Variants in DOCK1 observed in about 807,000 individuals in gnomAD.
The protein encoded by DOCK1 is dedicator of cytokinesis 1, also known as dedicator of cytokinesis protein 1.
DOCK1 carries 138 observed loss-of-function variants against 262.7 expected under a neutral mutation model. That is an observed-to-expected ratio of 0.53 (90% CI 0.46 to 0.61). The LOEUF (loss-of-function observed/expected upper bound fraction) is 0.61, where lower values mean the gene tolerates loss of function less well. Among genes scored for constraint, DOCK1 ranks in the 20% least tolerant of loss-of-function variants. DOCK1 has a pLI of 0.00. For synonymous variants in DOCK1, 866 were observed against 867.4 expected (o/e 1.00, Z 0.03); for missense variants, 1,908 against 2,370.7 (o/e 0.80, Z 4.05).
At chr10:127,210,571 G>A (rs1040591825) in intron 27 of DOCK1, among the ~76,000 whole-genome samples, 12 of 152,198 alleles carry the variant, frequency 7.9e-5, no homozygotes, top group South Asian at 2.1e-4. Context: ...GCTCTGTCTC[G>A]TTGAACCTTG....
At chr10:127,084,657 T>A (rs547717793) in intron 23 of DOCK1, among the ~76,000 whole-genome samples, 4 of 152,058 alleles carry the variant, frequency 2.6e-5, no homozygotes, top group African/African-American at 9.7e-5. Flanking sequence ...TTCTAACGGG[T>A]TTACATGAGG....
At chr10:127,400,732 A>G (rs990507257) in intron 38 of DOCK1, among the ~76,000 whole-genome samples, 2 of 152,142 alleles carry the variant, frequency 1.3e-5, no homozygotes, top group Non-Finnish European at 1.5e-5. Flanking sequence ...AAAAATTAAC[A>G]GTGAGGAAAT....
intron 1 of DOCK1, among the ~76,000 whole-genome samples, chr10:126,935,095 G>A (rs1004925740): frequency 2.2e-3 from 337 of 152,300 alleles, no homozygotes; most frequent in African/African-American, 3.9e-3. Context: ...GTGACAGAGC[G>A]AGACTCCGTC....
intron 22 of DOCK1, among the ~76,000 whole-genome samples, 177 bp downstream of exon 22, chr10:127,052,992 C>G (rs146860092): frequency 1.2e-3 from 179 of 152,250 alleles, no homozygotes; most frequent in African/African-American, 4.2e-3. Flanking sequence ...CCACTCTTTC[C>G]TTACCCGCCT....
At chr10:127,426,561 G>A (rs1164219082) in intron 47 of DOCK1, among the ~76,000 whole-genome samples, 1 of 152,212 alleles carries the variant, frequency 6.6e-6, no homozygotes, top group Non-Finnish European at 1.5e-5. Context: ...AGGAAGATAA[G>A]CCAGATGTGG....
chr10:127,030,061 T>A (rs1190125660), intron 16 of DOCK1, among the ~76,000 whole-genome samples: 5 of 152,170 alleles, frequency 3.3e-5, no homozygotes, highest in Admixed American at 3.3e-4. Context: ...ACCATTTAAT[T>A]TGCCAGGATG....
intron 38 of DOCK1, among the ~76,000 whole-genome samples, chr10:127,393,551 G>A (rs1460484879): frequency 2.6e-5 from 4 of 152,118 alleles, no homozygotes; most frequent in East Asian, 1.9e-4. Context: ...GGCCCCCTGC[G>A]ATGGCATCTC....
At chr10:127,110,006 C>G (rs2048770155) in intron 24 of DOCK1, among the ~76,000 whole-genome samples, 1 of 152,064 alleles carries the variant, frequency 6.6e-6, no homozygotes, top group Admixed American at 6.6e-5. Flanking sequence ...TATATCTTTA[C>G]CAACACTTGT....
intron 23 of DOCK1, among the ~76,000 whole-genome samples, chr10:127,074,413 C>G (rs557563832): frequency 6.6e-6 from 1 of 152,128 alleles, no homozygotes; most frequent in African/African-American, 2.4e-5. Flanking sequence ...TAAATTTGTG[C>G]ATTACACTGG....
rs555010306 is a variant in DOCK1, at chr10:127,414,054, G to A, written c.4429-1098G>A. ...AGCCTCCTGAGTAGCTGAGACTATA[G>A]GCACATGCCACCACATCTGGCTAAT... On this transcript the variant is annotated intron_variant, in intron 43 of 51. Coordinates refer to ENST00000623213, the MANE Select transcript of DOCK1 (RefSeq NM_001290223.2). 2.6e-5 allele frequency among the ~76,000 whole-genome samples: 4 copies of A among 152,250 alleles called. No homozygotes were observed. In the Middle Eastern group the frequency reaches 0.01, roughly 388 times the overall value.
In DOCK1 at chr10:127,155,039, T is replaced by C. The variant is rs1167280176; in HGVS notation, c.2847+27275T>C. Among the ~76,000 whole-genome samples, 7 of 152,198 alleles carry C rather than the reference T, an allele frequency of 4.6e-5. No individual in the cohort carries two copies. The East Asian group carries it at 1.3e-3, about 29-fold the overall frequency. On this transcript the variant is annotated intron_variant, in intron 27 of 51. Coordinates refer to ENST00000623213, the MANE Select transcript of DOCK1 (RefSeq NM_001290223.2). ...AGGCACAGACATGATAACCGGAATG[T>C]TAAATTTGTGGCAGGAGAAAAGCTC...
intron 27 of DOCK1, among the ~76,000 whole-genome samples, chr10:127,203,193 C>T (rs2057550892): frequency 6.6e-6 from 1 of 152,162 alleles, no homozygotes; most frequent in Admixed American, 6.5e-5. Context: ...CCATCTATAC[C>T]ACAAGAGGCC....
intron 27 of DOCK1, among the ~76,000 whole-genome samples, chr10:127,227,015 C>G (rs1216335006): frequency 6.6e-6 from 1 of 152,140 alleles, no homozygotes; most frequent in South Asian, 2.1e-4. Flanking sequence ...CTTCCATGCC[C>G]CAAGCCCCAG....
Position 127,058,267 on chromosome 10 carries a change from A to G in DOCK1, c.2337-3401A>G, listed in dbSNP as rs12246808. Among the ~76,000 whole-genome samples the G allele has an allele frequency of 2.6e-5, 4 of 152,086 alleles. 1 individual carries two copies. The highest frequency in any genetic ancestry group is 7.3e-5 in the African/African-American group (3 of 41,356). ...ATTTTGAAGCTGTGTTATTGGGGGCATACAGATTTATAATCATGATATCTT... is the reference window on the plus strand; with the variant it reads ...ATTTTGAAGCTGTGTTATTGGGGGCGTACAGATTTATAATCATGATATCTT... On this transcript the variant is annotated intron_variant, in intron 22 of 51. Transcript: ENST00000623213.
chr10:126,959,804 G>A lies in DOCK1; in HGVS notation c.47-10898G>A, dbSNP rs1442009827. Among the ~76,000 whole-genome samples, 8 of 152,052 alleles carry A rather than the reference G, an allele frequency of 5.3e-5. No individual in the cohort carries two copies. The East Asian group carries it at 1.5e-3, about 29-fold the overall frequency. On this transcript the variant is annotated intron_variant, in intron 1 of 51. Coordinates refer to ENST00000623213, the MANE Select transcript of DOCK1 (RefSeq NM_001290223.2). ...GTTGTCTTTGCTAGTCAAGATCCTG[G>A]TCTGCTCTTTAGTTTCTTTCTTTTT...
At chr10:127,413,299 A>T (rs1188562503) in intron 43 of DOCK1, among the ~76,000 whole-genome samples, 1 of 152,236 alleles carries the variant, frequency 6.6e-6, no homozygotes, top group Non-Finnish European at 1.5e-5. Flanking sequence ...CTCAGAGGCT[A>T]TGCTTCTTCT....
chr10:127,148,572 C>G (rs145106153), intron 27 of DOCK1, among the ~76,000 whole-genome samples: 4 of 152,084 alleles, frequency 2.6e-5, no homozygotes, highest in African/African-American at 9.7e-5. Context: ...GCTGGTTTGC[C>G]GATGATGTTT....
intron 33 of DOCK1, among the ~76,000 whole-genome samples, chr10:127,362,848 C>CACAT (rs2064579355): frequency 1.5e-3 from 15 of 10,254 alleles, no homozygotes; most frequent in African/African-American, 5.0e-3. Context: ...CACACACACA[C>CACAT]ACACATGTAC....
chr10:126,996,615 A>G (rs1451169124), intron 6 of DOCK1, 133 bp from the exon 7 acceptor site: 3 of 765,304 alleles, frequency 3.9e-6, no homozygotes, highest in Non-Finnish European at 5.7e-6. Flanking sequence ...AGAATTTTAT[A>G]TTCCTAATAT....
Sources: gnomAD v4.1 joint callset for allele counts (sites outside exome capture counted in the v4.1 genomes callset) on GRCh38, gnomAD v4.1.1 for gene constraint, MANE v1.5 for transcripts, NCBI Gene and HGNC (gene_info 2026-07-23, HGNC 2026-07-21) for gene names.